Variants in CCSER1 observed in about 807,000 individuals in gnomAD.
CCSER1 encodes the protein coiled-coil serine rich protein 1.
In CCSER1, 41 loss-of-function variants were observed where a neutral mutation model predicts 82.0. The observed-to-expected ratio is 0.50, with a 90% CI of 0.39 to 0.65. The LOEUF is 0.65. Among genes scored for constraint, CCSER1 ranks in the 30% least tolerant of loss-of-function variants. The pLI is 0.00. For synonymous variants in CCSER1, 414 were observed against 383.9 expected, an observed-to-expected ratio of 1.08 and a Z score of -0.92; for missense variants, 1,119 against 1,064.2, an observed-to-expected ratio of 1.05 and a Z score of -0.72.
At chr4:91,370,821 C>A (rs1578288639) in intron 10 of CCSER1, among the ~76,000 whole-genome samples, 1 of 151,830 alleles carries the variant, frequency 6.6e-6, no homozygotes, top group East Asian at 1.9e-4. Flanking sequence ...AATGGGATGC[C>A]CATCACCTTA....
chr4:91,414,545 G>A (rs1171685466), intron 10 of CCSER1, among the ~76,000 whole-genome samples: 1 of 152,034 alleles, frequency 6.6e-6, no homozygotes, highest in Non-Finnish European at 1.5e-5. Flanking sequence ...GAACAAAATG[G>A]CAATAGTAAG....
intron 10 of CCSER1, among the ~76,000 whole-genome samples, chr4:91,514,982 T>C (rs1253302106): frequency 2.0e-5 from 3 of 152,122 alleles, no homozygotes; most frequent in Admixed American, 2.0e-4. Flanking sequence ...TTCTACTGAT[T>C]TACAGGTTAA....
chr4:90,290,060 A>G (rs912345277), intron 1 of CCSER1, among the ~76,000 whole-genome samples: 9 of 152,016 alleles, frequency 5.9e-5, no homozygotes, highest in Non-Finnish European at 1.3e-4. Context: ...ATATTTATAT[A>G]ATCAAATCTG....
intron 10 of CCSER1, among the ~76,000 whole-genome samples, chr4:91,278,360 C>T (rs553608921): frequency 6.6e-6 from 1 of 152,228 alleles, no homozygotes; most frequent in Admixed American, 6.5e-5. Flanking sequence ...ATCTGGTGCT[C>T]CTCTATCAGG....
intron 10 of CCSER1, among the ~76,000 whole-genome samples, chr4:91,333,727 T>C (rs1747117378): frequency 6.6e-6 from 1 of 152,084 alleles, no homozygotes; most frequent in Admixed American, 6.6e-5. Context: ...TCTGTATTTG[T>C]ATAATCCTGT....
intron 10 of CCSER1, among the ~76,000 whole-genome samples, chr4:91,115,766 G>A (rs1726505875): frequency 6.9e-6 from 1 of 144,882 alleles, no homozygotes; most frequent in Admixed American, 6.9e-5. Context: ...TAATCACTCA[G>A]TGGCTTCCTC....
At chr4:91,333,952 A>G (rs927419863) in intron 10 of CCSER1, among the ~76,000 whole-genome samples, 11 of 152,068 alleles carry the variant, frequency 7.2e-5, no homozygotes, top group South Asian at 4.1e-4. Context: ...TTTTCTTACA[A>G]TAGAAGCAAA....
At chr4:90,699,496 A>G (rs1304343974) in intron 6 of CCSER1, among the ~76,000 whole-genome samples, 2 of 152,118 alleles carry the variant, frequency 1.3e-5, no homozygotes, top group African/African-American at 4.8e-5. Context: ...CCAAACAGAA[A>G]GTTCTCTCAA....
At chr4:91,429,105 A>G (rs753380879) in intron 10 of CCSER1, among the ~76,000 whole-genome samples, 3 of 151,994 alleles carry the variant, frequency 2.0e-5, no homozygotes, top group Non-Finnish European at 4.4e-5. Context: ...TAGTTCTTCT[A>G]TTATCATAAT....
intron 8 of CCSER1, among the ~76,000 whole-genome samples, chr4:90,890,433 C>T (rs1457865457): frequency 6.6e-6 from 1 of 152,100 alleles, no homozygotes; most frequent in Non-Finnish European, 1.5e-5. Flanking sequence ...CACATGTGCT[C>T]CAGGTGAATG....
At chr4:90,840,782 A>G (rs1003038937) in intron 8 of CCSER1, among the ~76,000 whole-genome samples, 2 of 151,994 alleles carry the variant, frequency 1.3e-5, no homozygotes, top group African/African-American at 2.4e-5. Context: ...ATAACCTTGT[A>G]TGCAAGTCAC....
At chr4:90,507,777 C>T (rs1770918180) in intron 5 of CCSER1, among the ~76,000 whole-genome samples, 1 of 152,010 alleles carries the variant, frequency 6.6e-6, no homozygotes, top group Non-Finnish European at 1.5e-5. Flanking sequence ...AATGTAAAGG[C>T]TAATTTCGAT....
intron 10 of CCSER1, among the ~76,000 whole-genome samples, chr4:91,545,458 C>T (rs1275641825): frequency 6.6e-6 from 1 of 152,082 alleles, no homozygotes; most frequent in Non-Finnish European, 1.5e-5. Context: ...CTTGGAACCT[C>T]CCTCCATTCA....
At chr4:90,213,603 T>C (rs890644249) in intron 1 of CCSER1, among the ~76,000 whole-genome samples, 6 of 151,956 alleles carry the variant, frequency 3.9e-5, no homozygotes, top group African/African-American at 1.5e-4. Flanking sequence ...CTTGTGGAGA[T>C]TGTGGAAACT....
chr4:91,020,224 T>A (rs1184512310), intron 9 of CCSER1, among the ~76,000 whole-genome samples: 2 of 152,234 alleles, frequency 1.3e-5, no homozygotes, highest in African/African-American at 4.8e-5. Flanking sequence ...TGAAGTGATA[T>A]AACCTCAATG....
chr4:90,966,553 G>T (rs377501878), intron 9 of CCSER1, among the ~76,000 whole-genome samples: 1 of 152,008 alleles, frequency 6.6e-6, no homozygotes, highest in Non-Finnish European at 1.5e-5. Context: ...AAAACTGCGC[G>T]AATTCATTGC....
chr4:91,170,333 T>G (rs1732621293), intron 10 of CCSER1, among the ~76,000 whole-genome samples: 1 of 152,152 alleles, frequency 6.6e-6, no homozygotes, highest in Admixed American at 6.5e-5. Context: ...TGATAAATCA[T>G]GCACTGTATA....
intron 5 of CCSER1, among the ~76,000 whole-genome samples, chr4:90,578,072 A>T (rs902628577): frequency 1.3e-5 from 2 of 152,158 alleles, no homozygotes; most frequent in Non-Finnish European, 2.9e-5. Context: ...TACAGATGAC[A>T]GTATCTAAGA....
intron 10 of CCSER1, among the ~76,000 whole-genome samples, chr4:91,236,794 G>C (rs1739044514): frequency 6.6e-6 from 1 of 152,154 alleles, no homozygotes; most frequent in Non-Finnish European, 1.5e-5. Flanking sequence ...AATAGGAGAA[G>C]GCTTCTAACT....
Sources: gnomAD v4.1 joint callset for allele counts (sites outside exome capture counted in the v4.1 genomes callset) on GRCh38, gnomAD v4.1.1 for gene constraint, MANE v1.5 for transcripts, NCBI Gene and HGNC (gene_info 2026-07-23, HGNC 2026-07-21) for gene names.